SCN11A: variants seen among roughly 807,000 people sequenced by gnomAD.
SCN11A encodes sodium channel protein type 11 subunit alpha.
SCN11A carries 122 observed loss-of-function variants against 162.2 expected under a neutral mutation model. That is an observed-to-expected ratio of 0.75 (90% confidence interval 0.65 to 0.87). SCN11A has a LOEUF of 0.87. SCN11A is among the 40% of genes least tolerant of loss of function. The pLI is 0.00. For synonymous variants in SCN11A, 758 were observed against 751.5 expected (o/e 1.01, Z -0.14); for missense variants, 2,015 against 2,181.6 (o/e 0.92, Z 1.52).
rs753282934 is a variant in SCN11A, at chr3:38,847,486, G to A, written c.4584C>T (p.Ile1528=). 6.2e-7 allele frequency: 1 copy of A among 1,614,170 alleles called. No individual in the cohort carries two copies. The highest frequency in any genetic ancestry group is 1.7e-5 in the Admixed American group (1 of 60,014). ...WFSKVNPESG[I]DDIFNFKTFA... The stretch of plus-strand genomic sequence containing the variant: ...AAGTCTTGAAGTTGAATATGTCATC[G>A]ATTCCAGACTCTGGATTCACTTTGG... Residue 1528 remains isoleucine (I), a synonymous_variant, in exon 30 of 30, where the codon ATC becomes ATT. Transcript: ENST00000302328.
intron 5 of SCN11A, among the ~76,000 whole-genome samples, chr3:38,948,396 A>G (rs2066550257): frequency 6.6e-6 from 1 of 152,220 alleles, no homozygotes; most frequent in Non-Finnish European, 1.5e-5. Context: ...AATGATTAAA[A>G]TGATAGGTAC....
intron 26 of SCN11A, among the ~76,000 whole-genome samples, chr3:38,868,169 G>A (rs770159932): frequency 2.6e-5 from 4 of 152,154 alleles, no homozygotes; most frequent in Non-Finnish European, 5.9e-5. Context: ...GTGGCAAAAA[G>A]ATTTCACTTT....
intron 12 of SCN11A, 132 bp downstream of exon 12, chr3:38,909,934 T>C (rs1003984712): frequency 3.2e-6 from 3 of 925,450 alleles, no homozygotes; most frequent in Middle Eastern, 2.6e-4. Flanking sequence ...CTGTTAAAGA[T>C]GAGACAGATG....
intron 23 of SCN11A, among the ~76,000 whole-genome samples, chr3:38,874,215 CCTT>C (rs1184667927): frequency 1.3e-5 from 2 of 152,174 alleles, no homozygotes; most frequent in Admixed American, 1.3e-4. Flanking sequence ...TTTCCTATAT[CCTT>C]CTAAATATCG....
At chr3:38,871,407 T>C (rs1423344379) in intron 25 of SCN11A, 38 bp downstream of exon 25, 2 of 1,529,214 alleles carry the variant, frequency 1.3e-6, no homozygotes, top group Non-Finnish European at 1.8e-6. Context: ...TCTGAAGGTT[T>C]TTCTCCTCAG....
At chr3:38,853,960 T>C (rs1373561913) in intron 28 of SCN11A, among the ~76,000 whole-genome samples, 1 of 152,106 alleles carries the variant, frequency 6.6e-6, no homozygotes, top group Non-Finnish European at 1.5e-5. Context: ...TCTTGCCCCA[T>C]AGTACCTGAT....
intron 2 of SCN11A, among the ~76,000 whole-genome samples, chr3:38,987,301 TCTCACACACACA>T (rs1195804989): frequency 9.9e-4 from 112 of 113,590 alleles, no homozygotes; most frequent in Middle Eastern, 4.4e-3. Flanking sequence ...TCTCTCTCTC[TCTCACACACACA>T]CACACACACA....
chr3:38,916,731 T>C (rs1486743556), intron 11 of SCN11A, among the ~76,000 whole-genome samples: 1 of 152,086 alleles, frequency 6.6e-6, no homozygotes, highest in Non-Finnish European at 1.5e-5. Context: ...CTGTGCCTAC[T>C]GTCTGGAATT....
At chr3:39,022,878 CAA>C (rs200201040) in intron 2 of SCN11A, among the ~76,000 whole-genome samples, 1 of 143,200 alleles carries the variant, frequency 7.0e-6, no homozygotes, top group Non-Finnish European at 1.5e-5. Context: ...GACCCTGTCT[CAA>C]AAAAAAAATA....
At chr3:38,895,119 T>C (rs981034474) in intron 18 of SCN11A, among the ~76,000 whole-genome samples, 155 bp from the exon 19 acceptor site, 3 of 151,958 alleles carry the variant, frequency 2.0e-5, no homozygotes, top group Non-Finnish European at 2.9e-5. Context: ...ATCCAATAAA[T>C]AAAAGATTGA....
chr3:38,862,128 G>C (rs532635953), intron 28 of SCN11A, among the ~76,000 whole-genome samples: 1 of 151,206 alleles, frequency 6.6e-6, no homozygotes, highest in Non-Finnish European at 1.5e-5. Context: ...AAGAAACATA[G>C]AAAAAAAATG....
chr3:38,855,786 C>T (rs1255050924), intron 28 of SCN11A, among the ~76,000 whole-genome samples: 1 of 152,206 alleles, frequency 6.6e-6, no homozygotes, highest in Non-Finnish European at 1.5e-5. Flanking sequence ...AATGTATCTA[C>T]AGCCAAGGAC....
chr3:39,031,866 A>G (rs2031769162), intron 2 of SCN11A, among the ~76,000 whole-genome samples: 2 of 152,330 alleles, frequency 1.3e-5, no homozygotes, highest in South Asian at 4.1e-4. Context: ...TGTTTACAGA[A>G]AAAGTTTGCC....
At chr3:38,892,487 G>A (rs778224115) in intron 19 of SCN11A, among the ~76,000 whole-genome samples, 11 of 152,228 alleles carry the variant, frequency 7.2e-5, no homozygotes, top group Non-Finnish European at 1.3e-4. Context: ...ATGGGTGGGA[G>A]CAAAGTTGCA....
chr3:39,027,630 TA>T (rs1575364686), intron 2 of SCN11A, among the ~76,000 whole-genome samples: 1 of 152,156 alleles, frequency 6.6e-6, no homozygotes, highest in East Asian at 1.9e-4. Context: ...CCCTATCCCT[TA>T]AAACATCTCA....
intron 2 of SCN11A, among the ~76,000 whole-genome samples, chr3:39,010,450 C>T (rs555580416): frequency 6.7e-6 from 1 of 149,976 alleles, no homozygotes; most frequent in South Asian, 2.1e-4. Flanking sequence ...CGCATCTCTG[C>T]TCACTGCAAG....
intron 2 of SCN11A, among the ~76,000 whole-genome samples, chr3:38,971,814 C>T (rs1290473365): frequency 2.0e-5 from 3 of 152,198 alleles, no homozygotes; most frequent in Non-Finnish European, 2.9e-5. Context: ...TCTCAACACC[C>T]AGCCTGGAGT....
At chr3:39,045,066 G>A (rs2032151104) in intron 1 of SCN11A, among the ~76,000 whole-genome samples, 1 of 152,022 alleles carries the variant, frequency 6.6e-6, no homozygotes, top group Non-Finnish European at 1.5e-5. Flanking sequence ...ATGAATTCCT[G>A]GACACACGCA....
chr3:38,924,908 T>C (rs1028648289), intron 9 of SCN11A, among the ~76,000 whole-genome samples: 2 of 151,964 alleles, frequency 1.3e-5, no homozygotes, highest in African/African-American at 4.8e-5. Context: ...GTGCTGGCTG[T>C]TTCCCATGCT....
Sources: allele counts gnomAD v4.1 joint callset (sites outside exome capture counted in the v4.1 genomes callset), GRCh38; gene constraint gnomAD v4.1.1; transcripts MANE v1.5; gene names NCBI Gene and HGNC (gene_info 2026-07-23, HGNC 2026-07-21).